Variants in MYH4 observed in about 807,000 individuals in gnomAD.
The protein encoded by MYH4 is myosin-4.
A neutral mutation model predicts 229.9 loss-of-function variants in MYH4; 200 were observed. The observed-to-expected ratio is 0.87, with a 90% CI of 0.78 to 0.98. MYH4 has a LOEUF of 0.98. Among genes scored for constraint, MYH4 ranks in the 50% least tolerant of loss-of-function variants. The pLI is 0.00. For synonymous variants in MYH4, 761 were observed against 834.6 expected, an observed-to-expected ratio of 0.91 and a Z score of 1.52; for missense variants, 2,148 against 2,332.6, an observed-to-expected ratio of 0.92 and a Z score of 1.63.
chr17:10,465,250 A>T (rs1279406908), intron 5 of MYH4, among the ~76,000 whole-genome samples, 192 bp downstream of exon 5: 1 of 152,262 alleles, frequency 6.6e-6, no homozygotes, highest in Non-Finnish European at 1.5e-5. Context: ...TGCTTAGCAT[A>T]GAAATCTAAG....
intron 16 of MYH4, among the ~76,000 whole-genome samples, chr17:10,457,138 G>T (rs1219532733): frequency 6.6e-6 from 1 of 152,208 alleles, no homozygotes; most frequent in South Asian, 2.1e-4. Context: ...TAAAATGATA[G>T]AAATGAGTTT....
intron 7 of MYH4, 21 bp from the exon 8 acceptor site, chr17:10,463,664 C>A: frequency 6.4e-7 from 1 of 1,555,786 alleles, no homozygotes; most frequent in Admixed American, 1.9e-5. Context: ...ATGAATAAGA[C>A]AGACAAAGAA....
chr17:10,451,939 A>G lies in MYH4; in HGVS notation c.3738+2T>C, dbSNP rs2072577837. On this transcript the variant is annotated splice_donor_variant, in intron 27 of 39. Transcript: ENST00000255381. LOFTEE classifies it high-confidence loss of function. The stretch of plus-strand genomic sequence containing the variant: ...ATGAAAAGGGCACAAGTTAATGAAG[A>G]CCTTGGCTTTGGAGACAGTCTCCAT... 2 of 1,596,810 alleles carry G rather than the reference A, an allele frequency of 1.3e-6. No individual in the cohort carries two copies. Among genetic ancestry groups the G allele is most frequent in the Non-Finnish European group, 1.7e-6 (2 of 1,170,838 alleles).
At position 10,448,455 on chromosome 17, in the gene MYH4, C is replaced by T. The variant is rs1257120101; in HGVS notation, c.4597G>A (p.Val1533Ile). 7 of 1,613,868 alleles carry T rather than the reference C, an allele frequency of 4.3e-6. No homozygotes were observed. The Admixed American group carries it at 6.7e-5, about 15-fold the overall frequency. ...TTCTCATGATCAAGTTGTTTCTTTA[C>T]TTTCTCCAGTTCATGGATATGCTTT... Reference protein sequence around the residue: ...GGKHIHELEKVKKQLDHEKSE... With the variant: ...GGKHIHELEKIKKQLDHEKSE... Residue 1533 changes from valine (V) to isoleucine (I), a missense_variant, in exon 33 of 40, where the codon GTA (valine) becomes ATA (isoleucine). Coordinates refer to ENST00000255381, the MANE Select transcript of MYH4 (RefSeq NM_017533.2).
chr17:10,451,998 C>G lies in MYH4; in HGVS notation c.3681G>C (p.Glu1227Asp), dbSNP rs200647917. Residue 1227 changes from glutamate to aspartate, a missense_variant, in exon 27 of 40, where the codon GAG (glutamate) becomes GAC (aspartate). Physicochemically the swap from Glu to Asp is conservative, Grantham distance 45. Coordinates refer to ENST00000255381, the MANE Select transcript of MYH4 (RefSeq NM_017533.2). ...VKQKLEKEKS[E>D]LKMEINDLAS... is the part of the protein sequence containing the mutation. ...CAAGGTCATTGATCTCCATCTTCAG[C>G]TCACTCTTTTCCTTCTCCAGCTTCT... 1 of 1,613,764 alleles carries G rather than the reference C, an allele frequency of 6.2e-7. No homozygotes were observed. Among genetic ancestry groups the G allele is most frequent in the East Asian group, 2.2e-5 (1 of 44,848 alleles).
At chr17:10,452,626 A>G (rs1378624606) in intron 25 of MYH4, 120 bp from the exon 26 acceptor site, 4 of 1,228,752 alleles carry the variant, frequency 3.3e-6, no homozygotes, top group Admixed American at 2.5e-5. Flanking sequence ...ACAATGTTTT[A>G]CAGATTAATA....
intron 38 of MYH4, 48 bp from the exon 39 acceptor site, chr17:10,444,747 G>A: frequency 6.2e-7 from 1 of 1,612,240 alleles, no homozygotes; most frequent in African/African-American, 1.3e-5. Context: ...AACAACTCAT[G>A]ATTTTCTTGA....
chr17:10,459,960 T>C lies in MYH4; in HGVS notation c.1408A>G (p.Ile470Val). 1.2e-6 allele frequency: 2 copies of C among 1,614,004 alleles called. No homozygotes were observed. The highest frequency in any genetic ancestry group is 1.7e-5 in the Admixed American group (1 of 60,004). Residue 470 changes from isoleucine to valine, a missense_variant, in exon 14 of 40, where the codon ATC becomes GTC. Physicochemically the swap from Ile to Val is conservative, Grantham distance 29. Coordinates refer to ENST00000255381, the MANE Select transcript of MYH4 (RefSeq NM_017533.2). ...IGVLDIAGFE[I>V]FDFNSLEQLC... ...GTCAGTTCACTACTCACATCAAAGA[T>C]CTCAAAGCCAGCAATGTCCAAGACC...
intron 27 of MYH4, 118 bp from the exon 28 acceptor site, chr17:10,451,570 C>T: frequency 8.7e-7 from 1 of 1,143,328 alleles, no homozygotes; most frequent in Non-Finnish European, 1.2e-6. Flanking sequence ...TTCTATCAAT[C>T]TTGCATGGTG....
intron 19 of MYH4, 40 bp from the exon 20 acceptor site, chr17:10,455,335 C>A: frequency 6.3e-7 from 1 of 1,579,358 alleles, no homozygotes; most frequent in Non-Finnish European, 8.6e-7. Context: ...GGTTTTTCTT[C>A]ACTGAAAAAA....
chr17:10,464,429 T>A (rs1483755579), intron 7 of MYH4, 43 bp downstream of exon 7: 1 of 1,552,252 alleles, frequency 6.4e-7, no homozygotes, highest in East Asian at 2.2e-5. Context: ...GTGGTTAGAT[T>A]TTAAAATCTG....
rs1190688496 is a variant in MYH4 at position 10,459,167 on chromosome 17, C to G, written c.1587+84G>C. 2.5e-6 allele frequency: 4 copies of G among 1,606,298 alleles called. No homozygotes were observed. The East Asian group carries it at 8.9e-5, about 36-fold the overall frequency. Reference sequence around the variant, plus strand: ...GTGTCAGGAAACAGCACTGCTTGTTCTTTGAGAACAGGGAGTGTGATTAAG... The same window carrying G: ...GTGTCAGGAAACAGCACTGCTTGTTGTTTGAGAACAGGGAGTGTGATTAAG... On this transcript the variant is annotated intron_variant, in intron 15 of 39. Transcript: ENST00000255381.
At chr17:10,465,074 A>G (rs1043324783) in intron 5 of MYH4, among the ~76,000 whole-genome samples, 2 of 152,194 alleles carry the variant, frequency 1.3e-5, no homozygotes, top group African/African-American at 4.8e-5. Context: ...ATAACTTGTC[A>G]CTGTGAGTCT....
chr17:10,453,698 T>A lies in MYH4; in HGVS notation c.2879A>T (p.Asp960Val), dbSNP rs1033741063. ...AACCTTGGCCAGTGTCAGCTCAAGG[T>A]CATCAATGTCTTTCTTGAGCTCTGA... The part of the protein sequence containing the change: ...ECSELKKDID[D>V]LELTLAKVEK... Residue 960 changes from aspartate (D) to valine (V), a missense_variant, in exon 23 of 40, where the codon GAC becomes GTC. Physicochemically the swap from Asp to Val is radical, Grantham distance 152 (BLOSUM62 -3). Coordinates refer to ENST00000255381, the MANE Select transcript of MYH4 (RefSeq NM_017533.2). 6 of 1,614,014 alleles carry A rather than the reference T, an allele frequency of 3.7e-6. No individual in the cohort carries two copies. The African/African-American group carries it at 6.7e-5, about 18-fold the overall frequency.
chr17:10,464,440 T>A lies in MYH4; in HGVS notation c.648+32A>T, dbSNP rs748417003. On this transcript the variant is annotated intron_variant, in intron 7 of 39. Transcript: ENST00000255381. ...GCACGTGGTTAGATTTTAAAATCTG[T>A]TATTCTGTCCTTAGATGAATATCAT... 6.3e-6 allele frequency: 10 copies of A among 1,576,178 alleles called. No individual in the cohort carries two copies. In the South Asian group the frequency reaches 1.0e-4, roughly 16 times the overall value.
In MYH4 at chr17:10,453,905, A is replaced by G. The variant is rs2142218821; in HGVS notation, c.2692-20T>C. The G allele has an allele frequency of 6.2e-7, 1 of 1,613,124 alleles. No homozygotes were observed. Among genetic ancestry groups the G allele is most frequent in the Non-Finnish European group, 8.5e-7 (1 of 1,179,634 alleles). On this transcript the variant is annotated intron_variant, in intron 22 of 39. Transcript: ENST00000255381. The stretch of plus-strand genomic sequence containing the variant: ...TGCTTCCTAAAGGGAGAAATTAAGC[A>G]TTTTCATTTGTCTGAGCTATATCTA...
At position 10,443,511 on chromosome 17, in the gene MYH4, A is replaced by T; in HGVS notation, c.5684T>A (p.Val1895Asp). ...GAGCTTGCGGAACTTGGCAAGGTTGACATTGGATTGTTCCTCCTGAGAACA... is the reference window on the plus strand; with the variant it reads ...GAGCTTGCGGAACTTGGCAAGGTTGTCATTGGATTGTTCCTCCTGAGAACA... ...QAEEAEEQSNVNLAKFRKLQH... is the reference protein window; with the variant it reads ...QAEEAEEQSNDNLAKFRKLQH... Residue 1895 changes from valine (V) to aspartate (D), a missense_variant, in exon 40 of 40, where the codon GTC becomes GAC. Physicochemically the swap from Val to Asp is radical, Grantham distance 152. Transcript: ENST00000255381. The surrounding 1 kb of genome is among the most constrained non-coding windows in gnomAD (Gnocchi z 4.6). 1 of 1,613,894 alleles carries T rather than the reference A, an allele frequency of 6.2e-7. No individual in the cohort carries two copies. Among genetic ancestry groups the T allele is most frequent in the Non-Finnish European group, 8.5e-7 (1 of 1,179,930 alleles).
Position 10,452,772 on chromosome 17 carries a change from T to C in MYH4, c.3257+15A>G, listed in dbSNP as rs1567701039. On this transcript the variant is annotated intron_variant, in intron 25 of 39. Coordinates refer to ENST00000255381, the MANE Select transcript of MYH4 (RefSeq NM_017533.2). ...ATACAACAAGCAGGTTATAGCTGAATTATACCATACTTACTTTTTGAGTTT... is the reference window on the plus strand; with the variant it reads ...ATACAACAAGCAGGTTATAGCTGAACTATACCATACTTACTTTTTGAGTTT... The C allele has an allele frequency of 6.3e-7, 1 of 1,593,680 alleles. No homozygotes were observed. The highest frequency in any genetic ancestry group is 8.5e-7 in the Non-Finnish European group (1 of 1,174,896).
intron 14 of MYH4, among the ~76,000 whole-genome samples, 158 bp downstream of exon 14, chr17:10,459,794 T>C (rs946304983): frequency 1.3e-5 from 2 of 152,156 alleles, no homozygotes; most frequent in African/African-American, 4.8e-5. Context: ...ATTTTCTCTT[T>C]TCCTATTTAT....
Sources: gnomAD v4.1 joint callset for allele counts (sites outside exome capture counted in the v4.1 genomes callset) on GRCh38, gnomAD v4.1.1 for gene constraint, Gnocchi (gnomAD v3.1) non-coding constraint, MANE v1.5 for transcripts, NCBI Gene and HGNC (gene_info 2026-07-23, HGNC 2026-07-21) for gene names.